TENM2: variants seen among roughly 807,000 people sequenced by gnomAD.
TENM2 encodes teneurin transmembrane protein 2.
A neutral mutation model predicts 245.2 loss-of-function variants in TENM2; 52 were observed. The observed-to-expected ratio is 0.21, with a 90% CI of 0.17 to 0.27. The LOEUF (loss-of-function observed/expected upper bound fraction) is 0.27. TENM2 is among the 10% of genes least tolerant of loss of function. The probability of loss-of-function intolerance (pLI) is 1.00; values close to 1 mark genes in which losing one functional copy is unlikely to be tolerated. For missense variants in TENM2, 3,046 were observed against 3,666.8 expected (o/e 0.83, Z 4.37); for synonymous variants, 1,363 against 1,438.9 (o/e 0.95, Z 1.19).
intron 2 of TENM2, among the ~76,000 whole-genome samples, chr5:167,529,682 G>C (rs1224495657): frequency 6.6e-6 from 1 of 152,198 alleles, no homozygotes; most frequent in Admixed American, 6.5e-5. Context: ...ACAGAAATAA[G>C]TGACTGGGTT....
chr5:167,161,531 G>A, the TENM2 span, among the ~76,000 whole-genome samples: 1 of 152,042 alleles, frequency 6.6e-6, no homozygotes, highest in African/African-American at 2.4e-5. Flanking sequence ...GATATGAGAA[G>A]CATATATTTT....
the TENM2 span, among the ~76,000 whole-genome samples, chr5:167,047,897 T>C: frequency 1.3e-5 from 2 of 152,118 alleles, no homozygotes; most frequent in Non-Finnish European, 2.9e-5. Flanking sequence ...CACACTAATG[T>C]TGGGTAACTT....
At chr5:167,840,317 C>T (rs1769385631) in intron 2 of TENM2, among the ~76,000 whole-genome samples, 1 of 152,116 alleles carries the variant, frequency 6.6e-6, no homozygotes, top group African/African-American at 2.4e-5. Context: ...GCTTTGGGAT[C>T]CAACTCTACA....
intron 2 of TENM2, among the ~76,000 whole-genome samples, chr5:167,438,463 C>T (rs772548924): frequency 3.9e-5 from 6 of 152,194 alleles, no homozygotes; most frequent in Admixed American, 6.5e-5. Flanking sequence ...GCCATCTCGG[C>T]TCACTGCAAG....
At chr5:168,127,005 G>A (rs1795899622) in intron 12 of TENM2, 39 bp downstream of exon 14, 1 of 1,525,328 alleles carries the variant, frequency 6.6e-7, no homozygotes, top group South Asian at 1.2e-5. Context: ...TAGATCTATA[G>A]TGATGGTCGC....
chr5:167,249,731 A>G, the TENM2 span, among the ~76,000 whole-genome samples: 9 of 152,088 alleles, frequency 5.9e-5, no homozygotes, highest in Non-Finnish European at 8.8e-5. Context: ...AAGCCGTCCT[A>G]TCAAGGAATC....
chr5:167,677,151 C>A (rs1756386520), intron 2 of TENM2, among the ~76,000 whole-genome samples: 1 of 151,974 alleles, frequency 6.6e-6, no homozygotes, highest in Non-Finnish European at 1.5e-5. Flanking sequence ...TAATAATATC[C>A]CAGTGTTTCT....
At chr5:167,448,352 G>A (rs1052173218) in intron 2 of TENM2, among the ~76,000 whole-genome samples, 2 of 151,858 alleles carry the variant, frequency 1.3e-5, no homozygotes, top group Non-Finnish European at 2.9e-5. Context: ...ATTGTGGCTC[G>A]ACACAGTGAT....
the TENM2 span, among the ~76,000 whole-genome samples, chr5:167,235,197 C>A: frequency 6.6e-6 from 1 of 152,126 alleles, no homozygotes; most frequent in Non-Finnish European, 1.5e-5. Context: ...GTGTTCTAAT[C>A]TCCTTTTTAA....
At chr5:168,051,181 G>A (rs1789054330) in intron 6 of TENM2, among the ~76,000 whole-genome samples, 1 of 152,150 alleles carries the variant, frequency 6.6e-6, no homozygotes, top group Non-Finnish European at 1.5e-5. Context: ...TTTTAAGAAA[G>A]AATAAACTAT....
At chr5:167,900,985 A>T (rs1561913668) in intron 3 of TENM2, among the ~76,000 whole-genome samples, 5 of 152,106 alleles carry the variant, frequency 3.3e-5, no homozygotes. Flanking sequence ...TCTTTTTTGG[A>T]ATATGTGTGC....
chr5:167,813,016 C>G (rs1472262720), intron 2 of TENM2, among the ~76,000 whole-genome samples: 1 of 152,166 alleles, frequency 6.6e-6, no homozygotes, highest in Non-Finnish European at 1.5e-5. Flanking sequence ...CATTTCCTTT[C>G]TAACTATTTT....
intron 2 of TENM2, among the ~76,000 whole-genome samples, chr5:167,824,540 C>T (rs1043803760): frequency 5.9e-5 from 9 of 152,288 alleles, no homozygotes; most frequent in African/African-American, 2.2e-4. Context: ...ACACCCAGAA[C>T]ATGGCAGATG....
chr5:167,834,122 C>T (rs1454317529), intron 2 of TENM2, among the ~76,000 whole-genome samples: 2 of 152,106 alleles, frequency 1.3e-5, no homozygotes, highest in Non-Finnish European at 2.9e-5. Flanking sequence ...TGAAAAATAT[C>T]AGAGAATGAG....
chr5:167,188,406 CAA>C, the TENM2 span, among the ~76,000 whole-genome samples: 5 of 152,146 alleles, frequency 3.3e-5, no homozygotes, highest in Non-Finnish European at 7.3e-5. Flanking sequence ...TTTTACCTCT[CAA>C]AACACGAAAT....
chr5:167,074,484 G>T, the TENM2 span, among the ~76,000 whole-genome samples: 1 of 152,184 alleles, frequency 6.6e-6, no homozygotes, highest in Non-Finnish European at 1.5e-5. Flanking sequence ...AGAAAGTACA[G>T]AAGGTGCAGA....
At chr5:167,502,633 A>T (rs941065795) in intron 2 of TENM2, among the ~76,000 whole-genome samples, 4 of 152,172 alleles carry the variant, frequency 2.6e-5, no homozygotes, top group African/African-American at 9.7e-5. Flanking sequence ...TGCATGGATA[A>T]GTTATTTCTC....
At chr5:167,918,694 A>G (rs958446128) in intron 3 of TENM2, among the ~76,000 whole-genome samples, 8 of 152,004 alleles carry the variant, frequency 5.3e-5, no homozygotes, top group Non-Finnish European at 8.8e-5. Context: ...TTTCTATTAG[A>G]GAGACCAGTA....
At chr5:168,147,330 G>A (rs1428915620) in intron 12 of TENM2, among the ~76,000 whole-genome samples, 1 of 152,156 alleles carries the variant, frequency 6.6e-6, no homozygotes, top group Non-Finnish European at 1.5e-5. Flanking sequence ...TCTTGACTTT[G>A]GTGCATTTAA....
Sources: allele counts gnomAD v4.1 joint callset (sites outside exome capture counted in the v4.1 genomes callset), GRCh38; gene constraint gnomAD v4.1.1; transcripts MANE v1.5; gene names NCBI Gene and HGNC (gene_info 2026-07-23, HGNC 2026-07-21).